The following TMEM116 variants were observed in gnomAD, a reference collection of about 807,000 sequenced individuals.
TMEM116 encodes transmembrane protein 116.
In TMEM116, 38 loss-of-function variants were observed where a neutral mutation model predicts 44.3. That is an observed-to-expected ratio of 0.86 (90% confidence interval 0.66 to 1.12). The LOEUF (loss-of-function observed/expected upper bound fraction) is 1.12. Ranked by LOEUF, TMEM116 falls within the 50% of genes most tolerant of loss-of-function variation. The probability of loss-of-function intolerance (pLI) is 0.00; values close to 1 mark genes in which losing one functional copy is unlikely to be tolerated. For missense variants in TMEM116, 354 were observed against 401.7 expected (o/e 0.88, Z 1.01); for synonymous variants, 132 against 144.8 (o/e 0.91, Z 0.64).
intron 4 of TMEM116, among the ~76,000 whole-genome samples, chr12:111,967,803 C>T (rs967105714): frequency 1.3e-5 from 2 of 152,022 alleles, no homozygotes; most frequent in African/African-American, 2.4e-5. Flanking sequence ...AGCAAGCAAA[C>T]GAAAATTAGA....
chr12:112,000,143 CAG>C (rs1276642494), intron 3 of TMEM116, among the ~76,000 whole-genome samples: 5 of 152,106 alleles, frequency 3.3e-5, no homozygotes, highest in South Asian at 2.1e-4. Context: ...CTTGATATAT[CAG>C]AGAGTATTAC....
chr12:111,991,468 G>A (rs772478066), intron 4 of TMEM116, among the ~76,000 whole-genome samples: 15 of 149,926 alleles, frequency 1.0e-4, no homozygotes, highest in Non-Finnish European at 1.3e-4. Context: ...AGCTTGCAGT[G>A]AGCCGAGATC....
At chr12:111,944,285 C>G (rs2073079784) in intron 4 of TMEM116, among the ~76,000 whole-genome samples, 1 of 151,636 alleles carries the variant, frequency 6.6e-6, no homozygotes, top group Admixed American at 6.6e-5. Context: ...CAGTAGGCAA[C>G]AAGCAGAAGA....
intron 4 of TMEM116, among the ~76,000 whole-genome samples, chr12:111,982,521 G>A (rs1057444194): frequency 1.3e-5 from 2 of 151,970 alleles, no homozygotes; most frequent in Non-Finnish European, 2.9e-5. Flanking sequence ...GGCTGGTTGC[G>A]GACTCCTGAG....
intron 4 of TMEM116, among the ~76,000 whole-genome samples, chr12:111,983,476 G>T (rs2076060599): frequency 6.6e-6 from 1 of 151,764 alleles, no homozygotes; most frequent in African/African-American, 2.4e-5. Context: ...TGGGCATGGT[G>T]GCATGCACTA....
chr12:111,992,415 G>A (rs1277957444), intron 3 of TMEM116, among the ~76,000 whole-genome samples: 1 of 151,954 alleles, frequency 6.6e-6, no homozygotes, highest in Non-Finnish European at 1.5e-5. Context: ...GACTACAGGC[G>A]CCCAGCACCA....
At chr12:112,004,084 G>C (rs555169230) in intron 2 of TMEM116, among the ~76,000 whole-genome samples, 88 of 152,112 alleles carry the variant, frequency 5.8e-4, no homozygotes, top group Non-Finnish European at 1.1e-3. Context: ...GGGCCCTGGT[G>C]ATCCTCCTGT....
chr12:112,000,948 A>T (rs950705961), intron 3 of TMEM116: 31 of 386,278 alleles, frequency 8.0e-5, no homozygotes, highest in African/African-American at 6.4e-4. Flanking sequence ...GACACAGAGC[A>T]GGGCTGCCTG....
At chr12:111,978,530 A>G (rs889615789) in intron 4 of TMEM116, among the ~76,000 whole-genome samples, 12 of 152,220 alleles carry the variant, frequency 7.9e-5, no homozygotes, top group African/African-American at 2.7e-4. Flanking sequence ...CTCAAAATTC[A>G]TATGTTGAAA....
At chr12:111,952,015 G>A (rs1717383047) in intron 4 of TMEM116, among the ~76,000 whole-genome samples, 1 of 151,986 alleles carries the variant, frequency 6.6e-6, no homozygotes, top group Non-Finnish European at 1.5e-5. Context: ...CGGACCATGA[G>A]GTCAGGAGAT....
intron 8 of TMEM116, 136 bp downstream of exon 8, chr12:111,936,542 AATTATATTGTCAAG>A: frequency 1.4e-6 from 1 of 737,070 alleles, no homozygotes. Context: ...CTGAGGCAGT[AATTATATTGTCAAG>A]ATCTCCTAGC....
intron 1 of TMEM116, chr12:112,005,787 T>C: frequency 2.2e-6 from 2 of 913,378 alleles, no homozygotes; most frequent in Non-Finnish European, 2.6e-6. Context: ...AAGAGACAAA[T>C]ACTAGAGTTC....
At chr12:112,005,711 AGAGT>A in intron 1 of TMEM116, 2 of 984,866 alleles carry the variant, frequency 2.0e-6, no homozygotes. Context: ...AACAAAATGT[AGAGT>A]GGGTAGAAAA....
intron 4 of TMEM116, among the ~76,000 whole-genome samples, chr12:111,964,041 CG>C (rs1011173327): frequency 2.0e-5 from 3 of 149,880 alleles, no homozygotes; most frequent in African/African-American, 7.4e-5. Context: ...AAACAACTCC[CG>C]TTTTTTTTTT....
intron 3 of TMEM116, among the ~76,000 whole-genome samples, chr12:111,997,240 T>TA (rs1009914874): frequency 6.6e-6 from 1 of 152,060 alleles, no homozygotes; most frequent in South Asian, 2.1e-4. Flanking sequence ...TATCTCACAA[T>TA]AAAAAAATAC....
At chr12:111,959,017 G>A (rs190980163) in intron 4 of TMEM116, among the ~76,000 whole-genome samples, 14 of 152,058 alleles carry the variant, frequency 9.2e-5, no homozygotes, top group Non-Finnish European at 1.8e-4. Flanking sequence ...GATACTCCTC[G>A]AGAAGAGCAA....
chr12:111,997,742 T>C (rs577772007), intron 3 of TMEM116, among the ~76,000 whole-genome samples: 94 of 152,328 alleles, frequency 6.2e-4, no homozygotes, highest in African/African-American at 2.1e-3. Flanking sequence ...TGCTAATTAA[T>C]ATCTTGTTAA....
At chr12:111,975,191 C>T (rs907809993) in intron 4 of TMEM116, among the ~76,000 whole-genome samples, 9 of 152,258 alleles carry the variant, frequency 5.9e-5, no homozygotes, top group African/African-American at 2.2e-4. Flanking sequence ...CCTACCCAGG[C>T]TGGAGTGCAG....
intron 4 of TMEM116, among the ~76,000 whole-genome samples, chr12:111,952,242 C>CA (rs920572840): frequency 1.1e-4 from 17 of 151,564 alleles, no homozygotes; most frequent in African/African-American, 2.7e-4. Context: ...CAAAACAAAA[C>CA]AAAAAAAACA....
Sources: gnomAD v4.1 joint callset for allele counts (sites outside exome capture counted in the v4.1 genomes callset) on GRCh38, gnomAD v4.1.1 for gene constraint, MANE v1.5 for transcripts, NCBI Gene and HGNC (gene_info 2026-07-23, HGNC 2026-07-21) for gene names.